Variants in RIMS1 observed in about 807,000 individuals in gnomAD.
RIMS1 encodes regulating synaptic membrane exocytosis 1, also known as regulating synaptic membrane exocytosis protein 1.
A neutral mutation model predicts 214.1 loss-of-function variants in RIMS1; 83 were observed. The observed-to-expected ratio is 0.39, with a 90% CI of 0.32 to 0.47. RIMS1 has a LOEUF of 0.47. Ranked by LOEUF, RIMS1 falls within the 20% of genes least tolerant of loss-of-function variation. The pLI, the probability that RIMS1 is intolerant of heterozygous loss-of-function variation, is 0.99. For synonymous variants in RIMS1, 793 were observed against 786.8 expected (o/e 1.01, Z -0.13); for missense variants, 2,050 against 2,161.8 (o/e 0.95, Z 1.03).
At chr6:72,186,590 T>C (rs567486775) in intron 6 of RIMS1, among the ~76,000 whole-genome samples, 1 of 152,338 alleles carries the variant, frequency 6.6e-6, no homozygotes, top group African/African-American at 2.4e-5. Context: ...TTAATGGTGC[T>C]GGTCATCATC....
At chr6:72,165,256 C>G (rs1019198624) in intron 4 of RIMS1, among the ~76,000 whole-genome samples, 1 of 152,146 alleles carries the variant, frequency 6.6e-6, no homozygotes. Context: ...ATACACAAGT[C>G]TACTTAGTTC....
rs141332663 is a variant in RIMS1 at position 71,969,684 on chromosome 6, C to A, written c.245+621C>A. 5.1e-3 allele frequency among the ~76,000 whole-genome samples: 773 copies of A among 152,234 alleles called. 3 individuals are homozygous for A. The highest frequency in any genetic ancestry group is 8.2e-3 in the Non-Finnish European group (557 of 68,010). On this transcript the variant is annotated intron_variant, in intron 2 of 33. Coordinates refer to ENST00000521978, the MANE Select transcript of RIMS1 (RefSeq NM_014989.7). ...ATTAGCTGGGCGTGGTAGTGGGCAT[C>A]TGTAATCCCAGCTACTTGGGAGGCT...
intron 33 of RIMS1, among the ~76,000 whole-genome samples, chr6:72,399,401 T>C (rs2098815254): frequency 6.6e-6 from 1 of 151,860 alleles, no homozygotes; most frequent in Non-Finnish European, 1.5e-5. Context: ...AGATAGATGA[T>C]AAATAGATAG....
chr6:72,255,214 T>A (rs2154145502), intron 16 of RIMS1, among the ~76,000 whole-genome samples: 1 of 152,314 alleles, frequency 6.6e-6, no homozygotes, highest in East Asian at 1.9e-4. Flanking sequence ...AGTGAGGTGA[T>A]AAGTTAGCAC....
chr6:71,893,236 A>G (rs1770526004), intron 1 of RIMS1, among the ~76,000 whole-genome samples: 1 of 152,144 alleles, frequency 6.6e-6, no homozygotes, highest in South Asian at 2.1e-4. Flanking sequence ...TGCAGCTCCC[A>G]GTGTGAGAAT....
intron 1 of RIMS1, among the ~76,000 whole-genome samples, chr6:71,950,021 A>G (rs1788969033): frequency 6.6e-6 from 1 of 152,220 alleles, no homozygotes; most frequent in Admixed American, 6.5e-5. Flanking sequence ...GTAGAGCACT[A>G]CTCACAAAGA....
intron 2 of RIMS1, among the ~76,000 whole-genome samples, chr6:71,996,010 C>T (rs1803299554): frequency 6.6e-6 from 1 of 152,116 alleles, no homozygotes; most frequent in African/African-American, 2.4e-5. Flanking sequence ...TGGTCTCAAA[C>T]TCCTGACTTC....
At chr6:72,097,188 C>T (rs753040444) in intron 3 of RIMS1, 26 bp downstream of exon 3, 3 of 1,593,840 alleles carry the variant, frequency 1.9e-6, no homozygotes, top group South Asian at 1.1e-5. Flanking sequence ...ACATAAGGGG[C>T]GTTGTGAATG....
intron 29 of RIMS1, among the ~76,000 whole-genome samples, chr6:72,370,295 C>T (rs2098175356): frequency 6.6e-6 from 1 of 152,130 alleles, no homozygotes; most frequent in African/African-American, 2.4e-5. Context: ...GTTTCCAAAT[C>T]TCAGGTATTT....
intron 26 of RIMS1, among the ~76,000 whole-genome samples, chr6:72,295,596 G>A (rs2154260342): frequency 6.6e-6 from 1 of 151,726 alleles, no homozygotes; most frequent in Non-Finnish European, 1.5e-5. Flanking sequence ...ATGGATTCAA[G>A]TTAAGATGTT....
intron 1 of RIMS1, among the ~76,000 whole-genome samples, chr6:71,906,510 GT>G (rs1285947055): frequency 3.9e-5 from 6 of 152,176 alleles, no homozygotes; most frequent in Non-Finnish European, 5.9e-5. Flanking sequence ...AGTAGTAAAT[GT>G]TCCACAGAAC....
intron 2 of RIMS1, among the ~76,000 whole-genome samples, chr6:72,012,878 A>T (rs1028080474): frequency 6.6e-6 from 1 of 152,184 alleles, no homozygotes; most frequent in African/African-American, 2.4e-5. Flanking sequence ...TTTGGGTTAA[A>T]TTGTATGTTG....
intron 29 of RIMS1, among the ~76,000 whole-genome samples, chr6:72,386,456 G>A (rs890632680): frequency 1.3e-5 from 2 of 152,120 alleles, no homozygotes; most frequent in Non-Finnish European, 2.9e-5. Flanking sequence ...GAAGCCTGGG[G>A]ACCTGTGCAC....
At chr6:72,204,423 A>G (rs1260365191) in intron 6 of RIMS1, among the ~76,000 whole-genome samples, 1 of 152,188 alleles carries the variant, frequency 6.6e-6, no homozygotes, top group Admixed American at 6.5e-5. Context: ...GTCTTGACAC[A>G]ATCACCTCTA....
intron 2 of RIMS1, among the ~76,000 whole-genome samples, chr6:72,073,337 A>T (rs984349424): frequency 6.6e-6 from 1 of 152,190 alleles, no homozygotes; most frequent in Non-Finnish European, 1.5e-5. Flanking sequence ...GCCAGAGCTA[A>T]ACACTTATCT....
At chr6:71,902,853 A>C (rs1299867305) in intron 1 of RIMS1, among the ~76,000 whole-genome samples, 1 of 152,112 alleles carries the variant, frequency 6.6e-6, no homozygotes, top group Non-Finnish European at 1.5e-5. Flanking sequence ...CAAAGGACAG[A>C]ATTTCATTCC....
At chr6:72,261,887 A>C (rs953960884) in intron 19 of RIMS1, 13 of 985,238 alleles carry the variant, frequency 1.3e-5, no homozygotes, top group Non-Finnish European at 1.6e-5. Context: ...AAAAATGTAA[A>C]ATCATGCATA....
At chr6:72,343,647 A>AT (rs532415537) in intron 29 of RIMS1, among the ~76,000 whole-genome samples, 4 of 148,990 alleles carry the variant, frequency 2.7e-5, no homozygotes, top group Non-Finnish European at 6.0e-5. Context: ...ATGGCTTTTT[A>AT]TTTTTTTTGC....
In RIMS1 at chr6:72,216,410, T is replaced by C. The variant is rs557301527; in HGVS notation, c.1679-17363T>C. ...AGGTTGTCCTTTTGCCCTCTGGAGA[T>C]GAGCCACCGTTAGCACTAGGCTGGC... On this transcript the variant is annotated intron_variant, in intron 6 of 33. Transcript: ENST00000521978. 36 of 984,108 alleles carry C rather than the reference T, an allele frequency of 3.7e-5. No individual in the cohort carries two copies. The African/African-American group carries it at 5.9e-4, about 16-fold the overall frequency. 61.0% of individuals were successfully genotyped at this position (984,108 alleles called of 1,614,324 possible).
Sources: allele counts gnomAD v4.1 joint callset (sites outside exome capture counted in the v4.1 genomes callset), GRCh38; gene constraint gnomAD v4.1.1; transcripts MANE v1.5; gene names NCBI Gene and HGNC (gene_info 2026-07-23, HGNC 2026-07-21).